Variants in TENM2 observed in about 807,000 individuals in gnomAD.
TENM2 encodes teneurin transmembrane protein 2.
Under a neutral mutation model 245.2 loss-of-function variants are expected in TENM2, and 52 were observed. The ratio of observed to expected loss-of-function variants is 0.21; its 90% CI spans 0.17 to 0.27. The LOEUF (loss-of-function observed/expected upper bound fraction) is 0.27, where lower values mean the gene tolerates loss of function less well. Ranked by LOEUF, TENM2 falls within the 10% of genes least tolerant of loss-of-function variation. The pLI, the probability that TENM2 is intolerant of heterozygous loss-of-function variation, is 1.00. For missense variants in TENM2, 3,046 were observed against 3,666.8 expected (o/e 0.83, Z 4.37); for synonymous variants, 1,363 against 1,438.9 (o/e 0.95, Z 1.19).
intron 1 of TENM2, among the ~76,000 whole-genome samples, chr5:167,344,688 A>T (rs1284702884): frequency 1.3e-5 from 2 of 152,180 alleles, no homozygotes; most frequent in Non-Finnish European, 2.9e-5. Context: ...TCAATTTCTC[A>T]TTCCTATGGC....
intron 13 of TENM2, among the ~76,000 whole-genome samples, chr5:168,178,313 G>A (rs1255397099): frequency 6.6e-6 from 1 of 152,194 alleles, no homozygotes; most frequent in African/African-American, 2.4e-5. Context: ...TTGAAATGGA[G>A]GTTGATGAGG....
At chr5:167,730,296 A>G (rs1313836254) in intron 2 of TENM2, among the ~76,000 whole-genome samples, 2 of 152,216 alleles carry the variant, frequency 1.3e-5, no homozygotes, top group African/African-American at 2.4e-5. Flanking sequence ...ATGTTGGGAT[A>G]GTTCTGACTG....
intron 5 of TENM2, among the ~76,000 whole-genome samples, chr5:168,047,033 C>T (rs1222998437): frequency 6.6e-6 from 1 of 152,110 alleles, no homozygotes; most frequent in African/African-American, 2.4e-5. Flanking sequence ...CTTGTCAATG[C>T]CCCTAGACTA....
chr5:168,169,230 G>A (rs551332519), intron 13 of TENM2, among the ~76,000 whole-genome samples: 5 of 152,276 alleles, frequency 3.3e-5, no homozygotes, highest in South Asian at 2.1e-4. Flanking sequence ...CCACAAATCC[G>A]TGTGATCAGT....
intron 1 of TENM2, among the ~76,000 whole-genome samples, chr5:167,338,434 A>C (rs770134328): frequency 2.6e-5 from 4 of 152,220 alleles, no homozygotes; most frequent in Non-Finnish European, 4.4e-5. Flanking sequence ...AGCCTGATGG[A>C]AACTTCACCA....
At chr5:167,893,726 C>T (rs1163255577) in intron 3 of TENM2, among the ~76,000 whole-genome samples, 2 of 151,692 alleles carry the variant, frequency 1.3e-5, no homozygotes, top group Non-Finnish European at 2.9e-5. Context: ...TTTCCAAACG[C>T]TTTTAAAACT....
intron 13 of TENM2, among the ~76,000 whole-genome samples, chr5:168,176,101 C>T (rs1759333455): frequency 1.3e-5 from 2 of 152,192 alleles, no homozygotes; most frequent in African/African-American, 4.8e-5. Flanking sequence ...AATAGCTTTC[C>T]ACCTCCACTC....
intron 21 of TENM2, among the ~76,000 whole-genome samples, chr5:168,215,537 T>C (rs1039644984): frequency 6.6e-6 from 1 of 152,082 alleles, no homozygotes; most frequent in African/African-American, 2.4e-5. Context: ...GGCGTGGCGG[T>C]GGGCGCCTGT....
intron 3 of TENM2, among the ~76,000 whole-genome samples, chr5:167,928,054 T>C (rs1275582481): frequency 1.3e-5 from 2 of 152,210 alleles, no homozygotes; most frequent in Non-Finnish European, 2.9e-5. Context: ...GTTTATTTCA[T>C]TCAGCAAAAA....
chr5:166,987,285 C>T, the TENM2 span, among the ~76,000 whole-genome samples: 2 of 152,086 alleles, frequency 1.3e-5, no homozygotes, highest in South Asian at 2.1e-4. Flanking sequence ...TACACAGAAT[C>T]GTACACAGTT....
intron 25 of TENM2, among the ~76,000 whole-genome samples, chr5:168,228,791 T>C (rs10067509): frequency 0.019 from 2,725 of 144,798 alleles, 73 homozygotes; most frequent in African/African-American, 0.069. Context: ...CAACCCTCGT[T>C]TTCCCAGACC....
chr5:167,976,499 T>G (rs561464501), intron 4 of TENM2, among the ~76,000 whole-genome samples: 18 of 152,288 alleles, frequency 1.2e-4, no homozygotes, highest in African/African-American at 4.1e-4. Flanking sequence ...TATCTAACAT[T>G]AGTAATATAC....
chr5:168,051,314 T>A (rs868214472), intron 6 of TENM2, among the ~76,000 whole-genome samples: 1 of 152,178 alleles, frequency 6.6e-6, no homozygotes, highest in African/African-American at 2.4e-5. Flanking sequence ...TGCCTGTTTT[T>A]ATAAATCAAG....
intron 3 of TENM2, among the ~76,000 whole-genome samples, chr5:167,944,807 C>A (rs1051068845): frequency 6.6e-6 from 1 of 152,110 alleles, no homozygotes; most frequent in Non-Finnish European, 1.5e-5. Flanking sequence ...GAAATGTATA[C>A]TTTTAAAAGC....
chr5:167,371,019 A>G (rs1275694664), intron 1 of TENM2, among the ~76,000 whole-genome samples: 1 of 152,214 alleles, frequency 6.6e-6, no homozygotes, highest in Non-Finnish European at 1.5e-5. Flanking sequence ...ATGCTTCCAT[A>G]CTAATTTACA....
chr5:167,420,328 A>T (rs1440484858), intron 2 of TENM2, among the ~76,000 whole-genome samples: 2 of 152,304 alleles, frequency 1.3e-5, no homozygotes, highest in Non-Finnish European at 2.9e-5. Flanking sequence ...GACCAAATAA[A>T]CTATGTGGAC....
the TENM2 span, among the ~76,000 whole-genome samples, chr5:167,255,990 G>T: frequency 6.6e-6 from 1 of 152,202 alleles, no homozygotes; most frequent in East Asian, 1.9e-4. Flanking sequence ...ATGGTGGTTT[G>T]TAAAATGTCT....
intron 1 of TENM2, among the ~76,000 whole-genome samples, chr5:167,286,747 G>T (rs993824912): frequency 6.6e-6 from 1 of 152,144 alleles, no homozygotes; most frequent in African/African-American, 2.4e-5. Context: ...CCTGGCTTCT[G>T]GATCATTGTG....
intron 1 of TENM2, among the ~76,000 whole-genome samples, chr5:167,342,507 C>CTTTTTTTTTTTTTTTTTTTT: frequency 1.8e-5 from 1 of 54,278 alleles, no homozygotes; most frequent in Non-Finnish European, 3.2e-5. Context: ...TAAAGTTATT[C>CTTTTTTTTTTTTTTTTTTTT]TTTTTTTTTT....
Sources: gnomAD v4.1 joint callset for allele counts (sites outside exome capture counted in the v4.1 genomes callset) on GRCh38, gnomAD v4.1.1 for gene constraint, MANE v1.5 for transcripts, NCBI Gene and HGNC (gene_info 2026-07-23, HGNC 2026-07-21) for gene names.